KALRN: variants seen among roughly 807,000 people sequenced by gnomAD.
The protein encoded by KALRN is kalirin RhoGEF kinase, also known as kalirin.
In KALRN, 70 loss-of-function variants were observed where a neutral mutation model predicts 353.7. The observed-to-expected ratio is 0.20, with a 90% CI of 0.16 to 0.24. The LOEUF is 0.24. KALRN is among the 10% of genes least tolerant of loss of function. KALRN has a pLI of 1.00. For synonymous variants in KALRN, 1,391 were observed against 1,434.8 expected, an observed-to-expected ratio of 0.97 and a Z score of 0.69; for missense variants, 2,791 against 3,756.7, an observed-to-expected ratio of 0.74 and a Z score of 6.72.
At chr3:124,367,465 A>G (rs1576336156) in intron 10 of KALRN, among the ~76,000 whole-genome samples, 1 of 56,568 alleles carries the variant, frequency 1.8e-5, no homozygotes, top group Non-Finnish European at 3.2e-5. Context: ...CGGGGGGCTG[A>G]CCCCCCCACC....
At chr3:124,280,346 T>G (rs2075220089) in intron 5 of KALRN, among the ~76,000 whole-genome samples, 1 of 152,200 alleles carries the variant, frequency 6.6e-6, no homozygotes, top group Non-Finnish European at 1.5e-5. Flanking sequence ...AGTTACACCC[T>G]GCAGTCCCAT....
chr3:124,337,057 G>T (rs2081205157), intron 9 of KALRN, among the ~76,000 whole-genome samples: 1 of 152,082 alleles, frequency 6.6e-6, no homozygotes, highest in Non-Finnish European at 1.5e-5. Flanking sequence ...AAGATTTTGG[G>T]CCGAGACGAT....
chr3:124,592,820 C>G (rs2075933375), intron 34 of KALRN, among the ~76,000 whole-genome samples: 1 of 152,228 alleles, frequency 6.6e-6, no homozygotes, highest in African/African-American at 2.4e-5. Flanking sequence ...GAGGGGAACC[C>G]TGGTTACACC....
At chr3:124,167,924 A>C (rs934776411) in intron 1 of KALRN, among the ~76,000 whole-genome samples, 1 of 152,214 alleles carries the variant, frequency 6.6e-6, no homozygotes, top group African/African-American at 2.4e-5. Context: ...CATCACAGGA[A>C]GTTCTACTGC....
At chr3:124,248,126 G>T (rs1361852780) in intron 3 of KALRN, among the ~76,000 whole-genome samples, 1 of 152,232 alleles carries the variant, frequency 6.6e-6, no homozygotes, top group Non-Finnish European at 1.5e-5. Context: ...TCTCTGATAG[G>T]TGGTGAACCT....
At chr3:124,541,234 G>A (rs938331684) in intron 33 of KALRN, among the ~76,000 whole-genome samples, 46 of 151,978 alleles carry the variant, frequency 3.0e-4, no homozygotes, top group Admixed American at 3.0e-3. Flanking sequence ...TGGATCACTT[G>A]AGGTCAGGAG....
chr3:124,074,686 A>G (rs1002332705), intron 1 of KALRN, among the ~76,000 whole-genome samples: 1 of 152,190 alleles, frequency 6.6e-6, no homozygotes, highest in Non-Finnish European at 1.5e-5. Flanking sequence ...CTGCCTGGAA[A>G]AGTGTAGCTC....
intron 5 of KALRN, among the ~76,000 whole-genome samples, chr3:124,278,525 A>G (rs1162374083): frequency 1.3e-5 from 2 of 150,604 alleles, no homozygotes. Context: ...TCATTGACTC[A>G]TTCATCAACA....
chr3:124,115,009 T>C (rs539062531), intron 1 of KALRN, among the ~76,000 whole-genome samples: 3 of 152,304 alleles, frequency 2.0e-5, no homozygotes, highest in African/African-American at 7.2e-5. Flanking sequence ...GGGAAGACAT[T>C]ACCCAGTTAG....
chr3:124,344,267 G>T lies in KALRN; in HGVS notation c.1648-2876G>T, dbSNP rs926137025. 3.3e-5 allele frequency among the ~76,000 whole-genome samples: 5 copies of T among 152,340 alleles called. No individual in the cohort carries two copies. In the South Asian group the frequency reaches 1.0e-3, roughly 32 times the overall value. On this transcript the variant is annotated intron_variant, in intron 9 of 59. Coordinates refer to ENST00000682506, the MANE Select transcript of KALRN (RefSeq NM_001388419.1). ...TTGTTCATCTTAATGGAATGCACTA[G>T]AAACTGACAAATATCCAGAATCTCA... is the stretch of plus-strand genomic sequence containing the variant.
rs746461538 is a variant in KALRN, at chr3:124,679,509, A to T, written c.7369A>T (p.Ser2457Cys). 2 of 1,613,440 alleles carry T rather than the reference A, an allele frequency of 1.2e-6. No individual in the cohort carries two copies. The highest frequency in any genetic ancestry group is 1.3e-5 in the African/African-American group (1 of 74,922). Reference protein sequence around the residue: ...SECDDLDPNTSMEILNPNFIQ... With the variant: ...SECDDLDPNTCMEILNPNFIQ... ...GTGTGATGATCTTGACCCTAATACT[A>T]GCATGGAGGTAGAAGCAGCTATTGT... The change falls in exon 51 of 60, where the codon AGC becomes TGC. Residue 2457 changes from serine (S) to cysteine (C), a missense_variant. Ser to Cys is a moderately radical substitution (Grantham distance 112). This residue lies in a region of KALRN where 1,065 missense variants were observed against 1,156.4 expected (regional missense o/e 0.92). Transcript: ENST00000682506.
intron 1 of KALRN, among the ~76,000 whole-genome samples, chr3:124,037,882 G>T (rs899602981): frequency 2.6e-5 from 4 of 152,160 alleles, no homozygotes; most frequent in African/African-American, 9.7e-5. Flanking sequence ...ACCTGGTTTT[G>T]CAGGGCAGAT....
chr3:124,702,363 T>C (rs2062382649), intron 57 of KALRN, among the ~76,000 whole-genome samples: 1 of 152,228 alleles, frequency 6.6e-6, no homozygotes, highest in Admixed American at 6.5e-5. Context: ...CCCAAAATTT[T>C]CTTCAAAGTA....
chr3:124,494,274 T>C (rs539998127), intron 32 of KALRN, among the ~76,000 whole-genome samples: 1 of 152,334 alleles, frequency 6.6e-6, no homozygotes, highest in African/African-American at 2.4e-5. Context: ...TTCCGTTATC[T>C]TGGATTCCTG....
At chr3:124,120,711 A>ATATATATATATATATAT (rs2063898907) in intron 1 of KALRN, among the ~76,000 whole-genome samples, 129 of 98,794 alleles carry the variant, frequency 1.3e-3, no homozygotes, top group African/African-American at 4.6e-3. Flanking sequence ...GAATACTAAA[A>ATATATATATATATATAT]ATATATATAT....
chr3:124,059,617 T>C (rs2041839555), intron 1 of KALRN, among the ~76,000 whole-genome samples: 1 of 152,270 alleles, frequency 6.6e-6, no homozygotes, highest in Non-Finnish European at 1.5e-5. Flanking sequence ...ACTAATGAGA[T>C]GTGTGTGCCT....
intron 1 of KALRN, among the ~76,000 whole-genome samples, chr3:124,181,260 A>C (rs2073563213): frequency 6.6e-6 from 1 of 152,042 alleles, no homozygotes; most frequent in South Asian, 2.1e-4. Flanking sequence ...TTTTCTAAAA[A>C]TCCACATTTA....
intron 9 of KALRN, among the ~76,000 whole-genome samples, chr3:124,345,531 A>G (rs1222447966): frequency 6.6e-6 from 1 of 152,248 alleles, no homozygotes; most frequent in African/African-American, 2.4e-5. Flanking sequence ...GTAAAAATCC[A>G]GCACTACCAC....
At chr3:124,133,975 A>AT (rs1223948245) in intron 1 of KALRN, among the ~76,000 whole-genome samples, 1 of 152,172 alleles carries the variant, frequency 6.6e-6, no homozygotes, top group Non-Finnish European at 1.5e-5. Context: ...TACAAATTCA[A>AT]TGCAATCCCC....
Sources: gnomAD v4.1 joint callset for allele counts (sites outside exome capture counted in the v4.1 genomes callset) on GRCh38, gnomAD v4.1.1 for gene constraint, gnomAD v4.1.1 regional missense constraint, MANE v1.5 for transcripts, NCBI Gene and HGNC (gene_info 2026-07-23, HGNC 2026-07-21) for gene names.